The following SEMA3A variants were observed in gnomAD, a reference collection of about 807,000 sequenced individuals.
SEMA3A encodes the protein semaphorin-3A.
In SEMA3A, 29 loss-of-function variants were observed where a neutral mutation model predicts 97.9. The ratio of observed to expected loss-of-function variants is 0.30; its 90% CI spans 0.22 to 0.40. SEMA3A has a LOEUF of 0.40. SEMA3A is among the 10% of genes least tolerant of loss of function. SEMA3A has a pLI of 1.00. For missense variants in SEMA3A, 763 were observed against 951.3 expected, an observed-to-expected ratio of 0.80 and a Z score of 2.60; for synonymous variants, 321 against 323.7, an observed-to-expected ratio of 0.99 and a Z score of 0.09.
At chr7:83,993,548 A>G (rs1412658000) in intron 12 of SEMA3A, among the ~76,000 whole-genome samples, 1 of 150,420 alleles carries the variant, frequency 6.6e-6, no homozygotes, top group Non-Finnish European at 1.5e-5. Flanking sequence ...TTGTCTGTAA[A>G]GTATTTTATT....
chr7:84,483,673 A>T (rs1473474152), intron 1 of SEMA3A, among the ~76,000 whole-genome samples: 1 of 152,098 alleles, frequency 6.6e-6, no homozygotes, highest in Non-Finnish European at 1.5e-5. Flanking sequence ...AGCCAATGGT[A>T]GTCTTTTGAG....
chr7:84,131,395 A>C (rs895457761), intron 2 of SEMA3A, among the ~76,000 whole-genome samples: 2 of 152,150 alleles, frequency 1.3e-5, no homozygotes, highest in African/African-American at 4.8e-5. Context: ...AAAGTGCTTC[A>C]TAATCTATTT....
rs1439015241 is a variant in SEMA3A, at chr7:83,993,010, G to A, written c.1453-7533C>T. ...ATGAATCTGGGTGCTCCTGTATTGG[G>A]TGCATATATATTTAGGATAGTTAGC... On this transcript the variant is annotated intron_variant, in intron 12 of 16. Coordinates refer to ENST00000265362, the MANE Select transcript of SEMA3A (RefSeq NM_006080.3). Among the ~76,000 whole-genome samples the A allele has an allele frequency of 3.6e-5, 5 of 138,714 alleles. No homozygotes were observed. In the East Asian group the frequency reaches 6.7e-4, roughly 19 times the overall value. 91.0% of individuals were successfully genotyped at this position (138,714 alleles called of 152,430 possible).
In SEMA3A at chr7:83,981,395, C is replaced by G; in HGVS notation, c.1578G>C (p.Glu526Asp). Reference sequence around the variant, plus strand: ...AGTAAGGGTCTCGGGCGAGGCAACACTCAGCACACGCTTTCCCGTAAATAT... The same window carrying G: ...AGTAAGGGTCTCGGGCGAGGCAACAGTCAGCACACGCTTTCCCGTAAATAT... ...RCDIYGKACAECCLARDPYCA... is the reference protein window; with the variant it reads ...RCDIYGKACADCCLARDPYCA... Residue 526 changes from glutamate (E) to aspartate (D), a missense_variant, in exon 14 of 17, where the codon GAG (glutamate) becomes GAC (aspartate). Glu to Asp is a conservative substitution (Grantham distance 45, BLOSUM62 2). Transcript: ENST00000265362. 1 of 1,614,018 alleles carries G rather than the reference C, an allele frequency of 6.2e-7. No homozygotes were observed. The highest frequency in any genetic ancestry group is 8.5e-7 in the Non-Finnish European group (1 of 1,179,954).
chr7:84,396,632 A>G (rs994848055), intron 1 of SEMA3A, among the ~76,000 whole-genome samples: 1 of 152,100 alleles, frequency 6.6e-6, no homozygotes, highest in Non-Finnish European at 1.5e-5. Flanking sequence ...GCAAAAGAAC[A>G]AAAATGTAAA....
At chr7:84,191,827 A>G (rs570277128) in intron 1 of SEMA3A, among the ~76,000 whole-genome samples, 1 of 151,814 alleles carries the variant, frequency 6.6e-6, no homozygotes, top group South Asian at 2.1e-4. Flanking sequence ...AGCATACCCC[A>G]TTTTTCTAAT....
chr7:84,490,850 T>G (rs1449267838), intron 1 of SEMA3A, among the ~76,000 whole-genome samples: 1 of 152,146 alleles, frequency 6.6e-6, no homozygotes, highest in Non-Finnish European at 1.5e-5. Context: ...GGCATTCATA[T>G]GTGTGAACTG....
At chr7:84,051,694 C>A in intron 5 of SEMA3A, among the ~76,000 whole-genome samples, 1 of 152,186 alleles carries the variant, frequency 6.6e-6, no homozygotes, top group East Asian at 1.9e-4. Flanking sequence ...TAATTGAATA[C>A]CCTTTATTTC....
At chr7:84,344,333 G>C (rs2115998974) in intron 2 of SEMA3A, among the ~76,000 whole-genome samples, 1 of 152,186 alleles carries the variant, frequency 6.6e-6, no homozygotes, top group South Asian at 2.1e-4. Context: ...TGGTTGACAG[G>C]CATTCAACAA....
At chr7:83,975,489 ATTAG>A (rs1789107584) in intron 15 of SEMA3A, among the ~76,000 whole-genome samples, 2 of 152,282 alleles carry the variant, frequency 1.3e-5, no homozygotes, top group South Asian at 4.1e-4. Flanking sequence ...AAAAAGTGCT[ATTAG>A]TTCAAATCTC....
At chr7:84,010,242 A>T (rs10261519) in intron 9 of SEMA3A, among the ~76,000 whole-genome samples, 34,900 of 152,090 alleles carry the variant, frequency 0.23, 4,299 homozygotes, top group African/African-American at 0.31. Context: ...TTCAATTGTT[A>T]TATTAATAAC....
intron 2 of SEMA3A, among the ~76,000 whole-genome samples, chr7:84,348,399 T>C (rs1802355785): frequency 6.6e-6 from 1 of 152,198 alleles, no homozygotes; most frequent in African/African-American, 2.4e-5. Flanking sequence ...GTTTACCTTT[T>C]TGGTTTAAGA....
chr7:84,011,038 C>T lies in SEMA3A; in HGVS notation c.979G>A (p.Val327Met), dbSNP rs1406410410. ...GTTACTTACCTGGAAGTCGTAAACA[C>T]TCCATATACAACTGGATTTTTAGGA... The part of the protein sequence containing the change: ...KDPKNPVVYG[V>M]FTTSSNIFKG... Residue 327 changes from valine (V) to methionine (M), a missense_variant, in exon 9 of 17, where the codon GTG (valine) becomes ATG (methionine). Physicochemically the swap from Val to Met is conservative, Grantham distance 21. Transcript: ENST00000265362. 6.2e-7 allele frequency: 1 copy of T among 1,609,898 alleles called. No homozygotes were observed. Among genetic ancestry groups the T allele is most frequent in the Non-Finnish European group, 8.5e-7 (1 of 1,176,924 alleles).
intron 6 of SEMA3A, among the ~76,000 whole-genome samples, chr7:84,022,517 T>A (rs1352843188): frequency 6.6e-6 from 1 of 152,244 alleles, no homozygotes; most frequent in Admixed American, 6.5e-5. Flanking sequence ...TAATAATGTA[T>A]ACAGCGACCC....
In SEMA3A at chr7:83,958,662, A is replaced by T. The variant is rs1386456306; in HGVS notation, c.*2709T>A. The T allele has an allele frequency of 6.6e-6, 1 of 152,496 alleles. No homozygotes were observed. Among genetic ancestry groups the T allele is most frequent in the African/African-American group, 2.4e-5 (1 of 41,436 alleles). The allele number at this position is 152,496 out of a possible 1,614,324, so 9.4% of individuals were successfully genotyped here. A position where few individuals can be genotyped will look rare whatever the true frequency, so the allele number is the denominator to read the frequency against. On this transcript the variant is annotated 3_prime_UTR_variant, in exon 17 of 17. Coordinates refer to ENST00000265362, the MANE Select transcript of SEMA3A (RefSeq NM_006080.3). Reference sequence around the variant, plus strand: ...CACTGTTCTTCCTCTTTTTCTCCCAAATTATTTACATCTTTTTTTTGCCTA... The same window carrying T: ...CACTGTTCTTCCTCTTTTTCTCCCATATTATTTACATCTTTTTTTTGCCTA...
intron 12 of SEMA3A, among the ~76,000 whole-genome samples, chr7:83,988,951 C>CA (rs1789761039): frequency 6.6e-6 from 1 of 150,946 alleles, no homozygotes; most frequent in Non-Finnish European, 1.5e-5. Flanking sequence ...TCCGCACCCC[C>CA]CCGATATTCA....
At position 84,132,360 on chromosome 7, in the gene SEMA3A, T is replaced by C. The variant is rs548764882; in HGVS notation, c.270+2434A>G. On this transcript the variant is annotated intron_variant, in intron 2 of 16. Coordinates refer to ENST00000265362, the MANE Select transcript of SEMA3A (RefSeq NM_006080.3). ...ATATTTGGTAAAAGATACTGTGATATATTCTGAGTGTACAAATGGCTGTAG... is the reference window on the plus strand; with the variant it reads ...ATATTTGGTAAAAGATACTGTGATACATTCTGAGTGTACAAATGGCTGTAG... Among the ~76,000 whole-genome samples, 4 of 146,130 alleles carry C rather than the reference T, an allele frequency of 2.7e-5. No homozygotes were observed. The South Asian group carries it at 8.9e-4, about 33-fold the overall frequency.
chr7:84,050,663 T>G (rs980195482), intron 5 of SEMA3A, among the ~76,000 whole-genome samples: 2 of 152,184 alleles, frequency 1.3e-5, no homozygotes, highest in Non-Finnish European at 2.9e-5. Flanking sequence ...GTAGGTTGCC[T>G]GTTCACTCTG....
At chr7:84,483,989 AG>A (rs1217185959) in intron 1 of SEMA3A, among the ~76,000 whole-genome samples, 1 of 151,894 alleles carries the variant, frequency 6.6e-6, no homozygotes, top group Non-Finnish European at 1.5e-5. Context: ...GGTTGCAGCG[AG>A]CTGAGATTGT....
Sources: allele counts gnomAD v4.1 joint callset (sites outside exome capture counted in the v4.1 genomes callset), GRCh38; gene constraint gnomAD v4.1.1; transcripts MANE v1.5; gene names NCBI Gene and HGNC (gene_info 2026-07-23, HGNC 2026-07-21).